AMZ1: variants seen among roughly 807,000 people sequenced by gnomAD.
AMZ1 encodes the protein archaelysin family metallopeptidase 1.
AMZ1 carries 39 observed loss-of-function variants against 29.9 expected under a neutral mutation model. The observed-to-expected ratio is 1.30, with a 90% CI of 1.01 to 1.70. The LOEUF is 1.70. Among genes scored for constraint, AMZ1 ranks in the 40% most tolerant of loss-of-function variants. The probability of loss-of-function intolerance (pLI) is 0.00; values close to 1 mark genes in which losing one functional copy is unlikely to be tolerated. For synonymous variants in AMZ1, 458 were observed against 304.0 expected, an observed-to-expected ratio of 1.51 and a Z score of -5.27; for missense variants, 1,041 against 680.6, an observed-to-expected ratio of 1.53 and a Z score of -5.89.
chr7:2,719,148 T>C lies in AMZ1; in HGVS notation c.*6270T>C, dbSNP rs1212820090. ...CGAGGCCTTTACTGGATGGGCAGGA[T>C]GCGGGCAGCAGCTTTGTCGGCTGCC... On this transcript the variant is annotated 3_prime_UTR_variant, in exon 7 of 7. Coordinates refer to ENST00000683327, the MANE Select transcript of AMZ1 (RefSeq NM_001384743.1). Among the ~76,000 whole-genome samples the C allele has an allele frequency of 1.3e-5, 2 of 152,194 alleles. No individual in the cohort carries two copies. Among genetic ancestry groups the C allele is most frequent in the Non-Finnish European group, 2.9e-5 (2 of 67,980 alleles).
upstream of AMZ1, among the ~76,000 whole-genome samples, chr7:2,759,907 C>A (rs1036584588): frequency 6.6e-6 from 1 of 152,214 alleles, no homozygotes; most frequent in African/African-American, 2.4e-5. Flanking sequence ...TGAAAAGCTC[C>A]GCTCCCTGCT....
At chr7:2,709,503 G>A in intron 5 of AMZ1, 137 bp from the exon 6 acceptor site, 2 of 1,352,698 alleles carry the variant, frequency 1.5e-6, no homozygotes, top group African/African-American at 1.5e-5. Flanking sequence ...CCTGGGGCAG[G>A]GGGAGGGCGC....
Position 2,703,081 on chromosome 7 carries a change from C to T in AMZ1, c.472+192C>T, listed in dbSNP as rs139931275. Among the ~76,000 whole-genome samples the T allele has an allele frequency of 2.9e-3, 443 of 152,314 alleles. 2 individuals are homozygous for T. The highest frequency in any genetic ancestry group is 9.9e-3 in the African/African-American group (413 of 41,580). ...TTCCCACCCAGGAGTGTCTGGGGAC[C>T]TGACCATACAGCCAGTGCCCACAGG... On this transcript the variant is annotated intron_variant, in intron 3 of 6. Coordinates refer to ENST00000683327, the MANE Select transcript of AMZ1 (RefSeq NM_001384743.1).
At chr7:2,706,524 CAGA>C (rs1192725970) in intron 3 of AMZ1, among the ~76,000 whole-genome samples, 3 of 152,256 alleles carry the variant, frequency 2.0e-5, no homozygotes, top group African/African-American at 4.8e-5. Flanking sequence ...CACGTGGTCT[CAGA>C]AGGCTCCGTG....
rs201320970 is a variant in AMZ1, at chr7:2,731,364, C to T, written n.550+21548C>T. ...AGCGCTGGACGTCCTCCAGCCTGTG[C>T]GGGTCGCCCCTGAAGTCCGGGAAGT... On this transcript the variant is annotated intron_variant and non_coding_transcript_variant, in intron 4 of 4. Transcript: ENST00000489665. The surrounding 1 kb of genome is among the most constrained non-coding windows in gnomAD (Gnocchi z 6.0). The T allele has an allele frequency of 1.0e-4, 169 of 1,613,848 alleles. No individual in the cohort carries two copies. Among genetic ancestry groups the T allele is most frequent in the Non-Finnish European group, 1.3e-4 (155 of 1,179,838 alleles).
At chr7:2,760,724 C>A (rs965435849), upstream of AMZ1, among the ~76,000 whole-genome samples, 4 of 152,350 alleles carry the variant, frequency 2.6e-5, no homozygotes, top group Middle Eastern at 0.01. Flanking sequence ...TTATCCAGAG[C>A]TAAGTTTAGC....
At chr7:2,691,521 T>TC (rs1294438142) in intron 1 of AMZ1, among the ~76,000 whole-genome samples, 3 of 148,278 alleles carry the variant, frequency 2.0e-5, no homozygotes, top group Non-Finnish European at 4.4e-5. Context: ...GGCGGGTGGA[T>TC]CACAAGGTCA....
At chr7:2,764,146 C>T (rs1052310138), upstream of AMZ1, among the ~76,000 whole-genome samples, 2 of 152,110 alleles carry the variant, frequency 1.3e-5, no homozygotes, top group Non-Finnish European at 2.9e-5. Flanking sequence ...TCATGGCTCA[C>T]TGCAGCCTCA....
intron 6 of AMZ1, 93 bp downstream of exon 6, chr7:2,709,909 C>T (rs1788657377): frequency 6.6e-7 from 1 of 1,517,964 alleles, no homozygotes; most frequent in African/African-American, 1.4e-5. Context: ...ATGGGGACCG[C>T]ACACAGGCTT....
intron 5 of AMZ1, 102 bp from the exon 6 acceptor site, chr7:2,709,538 C>A (rs538633024): frequency 2.0e-6 from 3 of 1,493,324 alleles, no homozygotes; most frequent in African/African-American, 1.4e-5. Flanking sequence ...GGCCATCTGG[C>A]CTCACCCAGG....
intron 1 of AMZ1, among the ~76,000 whole-genome samples, chr7:2,697,546 C>T (rs1275391505): frequency 1.3e-5 from 2 of 152,020 alleles, no homozygotes; most frequent in African/African-American, 4.8e-5. Flanking sequence ...ACGTCAGCCT[C>T]CTGAGTTGCT....
At position 2,709,795 on chromosome 7, in the gene AMZ1, C is replaced by T; in HGVS notation, c.927C>T (p.Phe309=). ...GGAAGCTGCAGCATGTCCTGGGTTT[C>T]AGGCTCATCGAGAGGTACCAGGTGA... ...CLRKLQHVLG[F]RLIERYQRLY... Residue 309 remains phenylalanine (F), a synonymous_variant, in exon 6 of 7, where the codon TTC becomes TTT. Transcript: ENST00000683327. 2 of 1,612,064 alleles carry T rather than the reference C, an allele frequency of 1.2e-6. No homozygotes were observed. Among genetic ancestry groups the T allele is most frequent in the South Asian group, 1.1e-5 (1 of 91,014 alleles).
In AMZ1 at chr7:2,715,390, G is replaced by C. The variant is rs1789062669; in HGVS notation, c.*2512G>C. The C allele has an allele frequency of 6.6e-6, 1 of 152,344 alleles. No individual in the cohort carries two copies. Among genetic ancestry groups the C allele is most frequent in the African/African-American group, 2.4e-5 (1 of 41,436 alleles). 9.4% of individuals were successfully genotyped at this position (152,344 alleles called of 1,614,324 possible). ...CCGATTTCCTTCATCTTCTGCAAAA[G>C]GTTAACCGCTGGAGTGATGCGAGAT... On this transcript the variant is annotated 3_prime_UTR_variant, in exon 7 of 7. Transcript: ENST00000683327.
At chr7:2,693,274 G>C (rs1419274193) in intron 1 of AMZ1, among the ~76,000 whole-genome samples, 2 of 152,092 alleles carry the variant, frequency 1.3e-5, no homozygotes, top group Admixed American at 1.3e-4. Context: ...TTTTAGGAGA[G>C]ATGGGGTTTC....
At chr7:2,735,578 A>AT (rs998207845) in intron 4 of AMZ1, among the ~76,000 whole-genome samples, 11 of 151,918 alleles carry the variant, frequency 7.2e-5, no homozygotes, top group African/African-American at 2.7e-4. Context: ...GAGTCTAAAC[A>AT]CCCCTCGAGT....
chr7:2,735,052 A>G (rs1005101796), intron 4 of AMZ1, among the ~76,000 whole-genome samples: 2 of 152,166 alleles, frequency 1.3e-5, no homozygotes. Flanking sequence ...GGTCCTCTGC[A>G]CATCATGCCT....
chr7:2,714,929 GAGA>G lies in AMZ1; in HGVS notation c.*2054_*2056del, dbSNP rs1397458018. 1 of 152,294 alleles carries G rather than the reference GAGA, an allele frequency of 6.6e-6. No homozygotes were observed. Among genetic ancestry groups the G allele is most frequent in the African/African-American group, 2.4e-5 (1 of 41,428 alleles). 9.4% of individuals were successfully genotyped at this position (152,294 alleles called of 1,614,324 possible). On this transcript the variant is annotated 3_prime_UTR_variant, in exon 7 of 7. Transcript: ENST00000683327. ...AAGGGACAAGTATGTGTTGATTTCA[GAGA>G]AGCTCAGATGTAGCATTAGGACCTT...
chr7:2,728,061 G>A (rs1789699048), intron 4 of AMZ1: 1 of 151,842 alleles, frequency 6.6e-6, no homozygotes, highest in East Asian at 1.9e-4. Flanking sequence ...TGAATCCTGG[G>A]GAATGAAAAA....
At chr7:2,762,713 G>C (rs1171137977), upstream of AMZ1, 9 of 1,564,550 alleles carry the variant, frequency 5.8e-6, no homozygotes, top group Non-Finnish European at 7.8e-6. Flanking sequence ...GAGCGCCAGA[G>C]GGAAGCAGGC....
Sources: gnomAD v4.1 joint callset for allele counts (sites outside exome capture counted in the v4.1 genomes callset) on GRCh38, gnomAD v4.1.1 for gene constraint, Gnocchi (gnomAD v3.1) non-coding constraint, MANE v1.5 for transcripts, NCBI Gene and HGNC (gene_info 2026-07-23, HGNC 2026-07-21) for gene names.